CALD1: variants seen among roughly 807,000 people sequenced by gnomAD.
CALD1 encodes the protein caldesmon 1.
CALD1 carries 33 observed loss-of-function variants against 99.9 expected under a neutral mutation model. That is an observed-to-expected ratio of 0.33 (90% CI 0.25 to 0.44). The LOEUF (loss-of-function observed/expected upper bound fraction) is 0.44. Ranked by LOEUF, CALD1 falls within the 20% of genes least tolerant of loss-of-function variation. The pLI is 1.00. For synonymous variants in CALD1, 310 were observed against 325.0 expected, an observed-to-expected ratio of 0.95 and a Z score of 0.50; for missense variants, 861 against 962.1, an observed-to-expected ratio of 0.89 and a Z score of 1.39.
intron 12 of CALD1, 127 bp downstream of exon 12, chr7:134,960,238 C>A (rs1043079082): frequency 6.4e-6 from 7 of 1,098,274 alleles, no homozygotes; most frequent in Admixed American, 2.1e-5. Flanking sequence ...CTTTGTTTTG[C>A]AATGACCACA....
Position 134,768,997 on chromosome 7 carries a change from T to A in CALD1, c.-130+24634T>A, listed in dbSNP as rs147687991. Among the ~76,000 whole-genome samples, 648 of 152,012 alleles carry A rather than the reference T, an allele frequency of 4.3e-3. 6 individuals carry two copies. Among genetic ancestry groups the A allele is most frequent in the Non-Finnish European group, 3.8e-3 (258 of 67,974 alleles). On this transcript the variant is annotated intron_variant, in intron 1 of 13. Transcript: ENST00000417172. ...AATATGCTTCTGAGTTTCAGGTACA[T>A]CTAGGTCATTCATTTTAGCTATTAT...
intron 3 of CALD1, chr7:134,868,051 T>A: frequency 3.5e-6 from 1 of 286,190 alleles, no homozygotes; most frequent in East Asian, 6.8e-5. Flanking sequence ...ATAATTGCAT[T>A]TAATCAATAC....
At chr7:134,930,209 T>C (rs1805425069) in intron 4 of CALD1, among the ~76,000 whole-genome samples, 1 of 152,172 alleles carries the variant, frequency 6.6e-6, no homozygotes. Flanking sequence ...AACTTGAGAA[T>C]GCCTAATAGG....
chr7:134,782,508 C>G (rs1797145525), intron 1 of CALD1, among the ~76,000 whole-genome samples: 1 of 152,192 alleles, frequency 6.6e-6, no homozygotes, highest in South Asian at 2.1e-4. Context: ...TTGGCACAGG[C>G]TTAACTTATG....
intron 2 of CALD1, among the ~76,000 whole-genome samples, chr7:134,855,612 T>C (rs575302932): frequency 2.0e-5 from 3 of 152,388 alleles, no homozygotes; most frequent in African/African-American, 7.2e-5. Flanking sequence ...TGACTACTTG[T>C]AATATATACT....
chr7:134,801,559 G>A (rs770254685), intron 1 of CALD1, among the ~76,000 whole-genome samples: 1 of 152,026 alleles, frequency 6.6e-6, no homozygotes, highest in African/African-American at 2.4e-5. Context: ...TTGGATATTC[G>A]TTTAGCTGAG....
rs946685681 is a variant in CALD1 at position 134,783,154 on chromosome 7, C to A, written c.-130+3405C>A. On this transcript the variant is annotated intron_variant, in intron 1 of 14. Coordinates refer to ENST00000361675, the MANE Select transcript of CALD1 (RefSeq NM_033138.4). The surrounding 1 kb of genome is among the most constrained non-coding windows in gnomAD (Gnocchi z 4.3). ...GGCCTTGTAGGAAGGGCAAGGAAGG[C>A]AGGAACACCTGGCTGTGGTTCCTGT... 2.0e-5 allele frequency among the ~76,000 whole-genome samples: 3 copies of A among 152,166 alleles called. No individual in the cohort carries two copies. Among genetic ancestry groups the A allele is most frequent in the Non-Finnish European group, 2.9e-5 (2 of 68,042 alleles).
intron 6 of CALD1, among the ~76,000 whole-genome samples, chr7:134,936,062 C>T (rs1328992350): frequency 6.6e-6 from 1 of 152,134 alleles, no homozygotes; most frequent in Non-Finnish European, 1.5e-5. Flanking sequence ...ATCAAAAAGG[C>T]TTGAAAAACA....
At chr7:134,793,682 T>C (rs1046887190) in intron 1 of CALD1, among the ~76,000 whole-genome samples, 5 of 152,118 alleles carry the variant, frequency 3.3e-5, no homozygotes, top group Non-Finnish European at 5.9e-5. Context: ...GAAGGGGCAG[T>C]TAATAATTTC....
intron 8 of CALD1, chr7:134,948,252 A>C (rs1395550949): frequency 6.4e-6 from 1 of 155,844 alleles, no homozygotes; most frequent in Non-Finnish European, 1.4e-5. Context: ...GCAAGTAAGT[A>C]CATTAGAATA....
At chr7:134,927,078 C>A (rs1175280134) in intron 3 of CALD1, among the ~76,000 whole-genome samples, 1 of 152,112 alleles carries the variant, frequency 6.6e-6, no homozygotes, top group African/African-American at 2.4e-5. Flanking sequence ...TACCCATACC[C>A]AACCCATTGA....
chr7:134,910,216 A>G (rs1221571617), intron 3 of CALD1, among the ~76,000 whole-genome samples: 1 of 152,222 alleles, frequency 6.6e-6, no homozygotes, highest in African/African-American at 2.4e-5. Flanking sequence ...TTTTAGGTCA[A>G]CTACCAAGTA....
chr7:134,739,272 C>T (rs558388978), upstream of CALD1, among the ~76,000 whole-genome samples: 1 of 152,310 alleles, frequency 6.6e-6, no homozygotes, highest in East Asian at 1.9e-4. Flanking sequence ...CCAAGATAGT[C>T]TCTTAAGCCT....
intron 1 of CALD1, among the ~76,000 whole-genome samples, chr7:134,771,987 C>T (rs1225580330): frequency 6.6e-6 from 1 of 152,076 alleles, no homozygotes; most frequent in African/African-American, 2.4e-5. Flanking sequence ...TGTATATCTG[C>T]CTCCCTCCAT....
At chr7:134,899,044 C>T (rs1406481379) in intron 3 of CALD1, among the ~76,000 whole-genome samples, 2 of 152,128 alleles carry the variant, frequency 1.3e-5, no homozygotes, top group Non-Finnish European at 1.5e-5. Flanking sequence ...AAACCAACCA[C>T]TAAAAGAGAT....
intron 1 of CALD1, among the ~76,000 whole-genome samples, chr7:134,769,796 CCTAG>C (rs1206980232): frequency 6.6e-6 from 1 of 152,138 alleles, no homozygotes; most frequent in Admixed American, 6.5e-5. Flanking sequence ...CGCCAACATG[CCTAG>C]CTAATTTTTG....
chr7:134,854,179 G>T (rs1461409765), intron 2 of CALD1, among the ~76,000 whole-genome samples: 1 of 152,120 alleles, frequency 6.6e-6, no homozygotes, highest in Middle Eastern at 3.2e-3. Flanking sequence ...ACATACGTGT[G>T]CATGTGTCTT....
the CALD1 span, among the ~76,000 whole-genome samples, chr7:134,734,379 C>T: frequency 2.0e-5 from 3 of 151,854 alleles, no homozygotes; most frequent in African/African-American, 7.3e-5. Context: ...TATGGAAATG[C>T]TTTAATTGAG....
At chr7:134,715,099 T>A in the CALD1 span, among the ~76,000 whole-genome samples, 1 of 152,172 alleles carries the variant, frequency 6.6e-6, no homozygotes, top group South Asian at 2.1e-4. Flanking sequence ...TTGCAAAGAT[T>A]CCACAAATAC....
Sources: allele counts gnomAD v4.1 joint callset (sites outside exome capture counted in the v4.1 genomes callset), GRCh38; gene constraint gnomAD v4.1.1; non-coding constraint Gnocchi (gnomAD v3.1); transcripts MANE v1.5; gene names NCBI Gene and HGNC (gene_info 2026-07-23, HGNC 2026-07-21).